The following SLC66A3 variants were observed in gnomAD, a reference collection of about 807,000 sequenced individuals.
The protein encoded by SLC66A3 is PQ loop repeat containing 3.
SLC66A3 carries 23 observed loss-of-function variants against 25.5 expected under a neutral mutation model. The observed-to-expected ratio is 0.90, with a 90% CI of 0.65 to 1.28. SLC66A3 has a LOEUF of 1.28. Among genes scored for constraint, SLC66A3 ranks in the 50% most tolerant of loss-of-function variants. The pLI is 0.00. For missense variants in SLC66A3, 246 were observed against 262.1 expected (o/e 0.94, Z 0.42); for synonymous variants, 108 against 112.6 (o/e 0.96, Z 0.26).
At chr2:11,172,670 T>C (rs1164756329) in intron 5 of SLC66A3, 3 of 366,680 alleles carry the variant, frequency 8.2e-6, no homozygotes, top group Non-Finnish European at 1.7e-5. Context: ...CCATCCATGG[T>C]TGCTGGTCTT....
At chr2:11,163,507 T>C (rs1394436868) in intron 3 of SLC66A3, among the ~76,000 whole-genome samples, 1 of 152,240 alleles carries the variant, frequency 6.6e-6, no homozygotes, top group African/African-American at 2.4e-5. Flanking sequence ...TTTGAAATTA[T>C]AATAACAGCA....
intron 6 of SLC66A3, among the ~76,000 whole-genome samples, chr2:11,175,787 A>G (rs566565719): frequency 6.6e-6 from 1 of 152,374 alleles, no homozygotes; most frequent in Non-Finnish European, 1.5e-5. Context: ...AGCATATATT[A>G]TACATCTTTG....
chr2:11,173,295 G>A (rs1034381111), intron 5 of SLC66A3, among the ~76,000 whole-genome samples: 3 of 152,106 alleles, frequency 2.0e-5, no homozygotes, highest in Admixed American at 1.3e-4. Context: ...GGCCCTGTAT[G>A]TTTTCTTTGG....
At chr2:11,175,901 G>A (rs758594490) in intron 6 of SLC66A3, among the ~76,000 whole-genome samples, 1 of 152,190 alleles carries the variant, frequency 6.6e-6, no homozygotes, top group Non-Finnish European at 1.5e-5. Context: ...TAGTGCTTCA[G>A]AACAGAGATA....
intron 3 of SLC66A3, among the ~76,000 whole-genome samples, chr2:11,161,340 G>A (rs925201741): frequency 7.3e-5 from 11 of 151,310 alleles, no homozygotes; most frequent in Admixed American, 2.6e-4. Flanking sequence ...TTGCAGTGGT[G>A]GGATCAAAGC....
In SLC66A3 at chr2:11,155,473, C is replaced by T. The variant is rs1306205922; in HGVS notation, c.-74C>T. On this transcript the variant is annotated 5_prime_UTR_variant, in exon 1 of 7. Coordinates refer to ENST00000295083, the MANE Select transcript of SLC66A3 (RefSeq NM_152391.5). ...CGGATCCCGGGAAGGCGGAAGGCTT[C>T]GGCAGAGCTGCGCCGCCGAGGCTGA... is the stretch of plus-strand genomic sequence containing the variant. The T allele has an allele frequency of 8.0e-5, 111 of 1,379,004 alleles. No homozygotes were observed. The East Asian group carries it at 3.1e-3, about 39-fold the overall frequency. The allele number at this position is 1,379,004 out of a possible 1,614,324, so 85.4% of individuals were successfully genotyped here. A position where few individuals can be genotyped will look rare whatever the true frequency, so the allele number is the denominator to read the frequency against.
intron 1 of SLC66A3, among the ~76,000 whole-genome samples, chr2:11,157,249 C>T (rs1189975106): frequency 6.6e-6 from 1 of 152,362 alleles, no homozygotes; most frequent in East Asian, 1.9e-4. Context: ...AAGGATCTTC[C>T]TGGGCATGGG....
chr2:11,177,952 G>T lies in SLC66A3; in HGVS notation c.*124G>T. 6.3e-6 allele frequency: 4 copies of T among 638,670 alleles called. No individual in the cohort carries two copies. Among genetic ancestry groups the T allele is most frequent in the Non-Finnish European group, 7.9e-6 (3 of 378,744 alleles). The allele number at this position is 638,670 out of a possible 1,614,324, so 39.6% of individuals were successfully genotyped here. On this transcript the variant is annotated 3_prime_UTR_variant, in exon 7 of 7. Transcript: ENST00000295083. ...CAGTTTATAATCTTTAAAGCCAAAG[G>T]TTTTTTTAGACTTGAAAGAAAGAGC...
intron 6 of SLC66A3, among the ~76,000 whole-genome samples, chr2:11,177,231 G>A (rs1318878081): frequency 3.9e-5 from 6 of 152,092 alleles, no homozygotes; most frequent in African/African-American, 9.7e-5. Flanking sequence ...AGGCCAAGGT[G>A]GGCAGATTAC....
chr2:11,162,604 A>T (rs1572180169), intron 3 of SLC66A3, among the ~76,000 whole-genome samples: 2 of 152,066 alleles, frequency 1.3e-5, no homozygotes, highest in South Asian at 2.1e-4. Context: ...TTTTATTTTT[A>T]TTTTATTTTA....
intron 4 of SLC66A3, among the ~76,000 whole-genome samples, chr2:11,166,977 T>C (rs905471889): frequency 4.6e-5 from 7 of 152,232 alleles, no homozygotes; most frequent in Non-Finnish European, 1.0e-4. Flanking sequence ...TTTAACTAGA[T>C]GTCCTGTATT....
At chr2:11,171,619 A>G (rs1297886867) in intron 4 of SLC66A3, among the ~76,000 whole-genome samples, 1 of 151,876 alleles carries the variant, frequency 6.6e-6, no homozygotes, top group Non-Finnish European at 1.5e-5. Flanking sequence ...CCCAGGCTGG[A>G]GTGCAGTGGC....
chr2:11,170,126 G>A (rs1001141887), intron 4 of SLC66A3, among the ~76,000 whole-genome samples: 1 of 152,114 alleles, frequency 6.6e-6, no homozygotes, highest in Non-Finnish European at 1.5e-5. Context: ...GTCAGCCACT[G>A]TGCCCAGCCA....
intron 1 of SLC66A3, among the ~76,000 whole-genome samples, chr2:11,159,258 C>T (rs1030957591): frequency 2.6e-5 from 4 of 152,174 alleles, no homozygotes; most frequent in African/African-American, 9.7e-5. Context: ...CTGCCAGCCC[C>T]CCTGGGCTCA....
At chr2:11,164,345 A>ATATATATATTTTTTTTTTT in intron 4 of SLC66A3, 84 bp downstream of exon 4, 2 of 92,808 alleles carry the variant, frequency 2.2e-5, no homozygotes, top group African/African-American at 4.6e-5. Flanking sequence ...ATATATATAT[A>ATATATATATTTTTTTTTTT]TTTTTTTTTT....
Position 11,172,054 on chromosome 2 carries a change from C to T in SLC66A3, c.475+9C>T, listed in dbSNP as rs758371853. ...TTCCTATACCTGTGCAAGTAAGAACCGGACTCACATGGTGGGGAGGCCTTT... is the reference window on the plus strand; with the variant it reads ...TTCCTATACCTGTGCAAGTAAGAACTGGACTCACATGGTGGGGAGGCCTTT... On this transcript the variant is annotated intron_variant, in intron 5 of 6. Transcript: ENST00000295083. The T allele has an allele frequency of 2.7e-5, 43 of 1,613,360 alleles. No individual in the cohort carries two copies. The African/African-American group carries it at 2.7e-4, about 10-fold the overall frequency.
intron 4 of SLC66A3, among the ~76,000 whole-genome samples, chr2:11,166,620 G>A (rs552140214): frequency 6.6e-6 from 1 of 152,342 alleles, no homozygotes; most frequent in South Asian, 2.1e-4. Flanking sequence ...TCGAGGTGGG[G>A]TGGCTCACGT....
chr2:11,158,091 T>A (rs141330970), intron 1 of SLC66A3, among the ~76,000 whole-genome samples: 1 of 152,216 alleles, frequency 6.6e-6, no homozygotes, highest in East Asian at 1.9e-4. Flanking sequence ...TGTTTAACCC[T>A]CTAGTAGGTG....
intron 4 of SLC66A3, among the ~76,000 whole-genome samples, chr2:11,169,833 C>CTTTTTTT (rs1369612743): frequency 6.0e-5 from 4 of 66,684 alleles, no homozygotes; most frequent in Admixed American, 2.7e-4. Context: ...CCCTGGATTT[C>CTTTTTTT]TCTCTTTTTT....
Sources: gnomAD v4.1 joint callset for allele counts (sites outside exome capture counted in the v4.1 genomes callset) on GRCh38, gnomAD v4.1.1 for gene constraint, MANE v1.5 for transcripts, NCBI Gene and HGNC (gene_info 2026-07-23, HGNC 2026-07-21) for gene names.